HECW2: variants seen among roughly 807,000 people sequenced by gnomAD.
HECW2 encodes the protein E3 ubiquitin-protein ligase HECW2.
Under a neutral mutation model 175.2 loss-of-function variants are expected in HECW2, and 61 were observed. The ratio of observed to expected loss-of-function variants is 0.35; its 90% CI spans 0.28 to 0.43. The LOEUF (loss-of-function observed/expected upper bound fraction) is 0.43. HECW2 is among the 20% of genes least tolerant of loss of function. The pLI, the probability that HECW2 is intolerant of heterozygous loss-of-function variation, is 1.00. For synonymous variants in HECW2, 671 were observed against 731.0 expected (o/e 0.92, Z 1.32); for missense variants, 1,524 against 2,000.5 (o/e 0.76, Z 4.54).
intron 15 of HECW2, among the ~76,000 whole-genome samples, chr2:196,275,958 T>C (rs1313895958): frequency 6.6e-6 from 1 of 152,242 alleles, no homozygotes; most frequent in Non-Finnish European, 1.5e-5. Context: ...CTTCTCATCC[T>C]GCTTCTCTTG....
At chr2:196,256,248 T>C (rs1689051544) in intron 18 of HECW2, among the ~76,000 whole-genome samples, 1 of 152,216 alleles carries the variant, frequency 6.6e-6, no homozygotes, top group South Asian at 2.1e-4. Context: ...TGACATCATT[T>C]GTATACAATA....
At chr2:196,410,327 A>G (rs1235087998) in intron 2 of HECW2, among the ~76,000 whole-genome samples, 1 of 152,248 alleles carries the variant, frequency 6.6e-6, no homozygotes, top group Non-Finnish European at 1.5e-5. Context: ...GACAAGAACA[A>G]TATCTAGCAG....
chr2:196,473,249 G>A (rs2125355816), intron 1 of HECW2, among the ~76,000 whole-genome samples: 1 of 152,278 alleles, frequency 6.6e-6, no homozygotes, highest in Non-Finnish European at 1.5e-5. Context: ...CTTCCAAAGT[G>A]GAGTGCATTG....
chr2:196,337,456 G>A (rs1692589884), intron 3 of HECW2, among the ~76,000 whole-genome samples: 1 of 151,936 alleles, frequency 6.6e-6, no homozygotes, highest in African/African-American at 2.4e-5. Flanking sequence ...GAGAGATGGA[G>A]GACATGGACC....
chr2:196,306,576 G>T lies in HECW2; in HGVS notation c.2726C>A (p.Ser909Tyr), dbSNP rs1379397558. 2 of 1,613,340 alleles carry T rather than the reference G, an allele frequency of 1.2e-6. No individual in the cohort carries two copies. The highest frequency in any genetic ancestry group is 1.7e-6 in the Non-Finnish European group (2 of 1,179,652). Residue 909 changes from serine to tyrosine, a missense_variant, in exon 13 of 29, where the codon TCC becomes TAC. Transcript: ENST00000644978. Reference sequence around the variant, plus strand: ...TAACAGCAACGTGATCCTGGATCTGGAGGTAGAGTGAGGCAGGATGTTCTC... The same window carrying T: ...TAACAGCAACGTGATCCTGGATCTGTAGGTAGAGTGAGGCAGGATGTTCTC... ...RRENILPHST[S>Y]RSRITLLLQS...
intron 1 of HECW2, among the ~76,000 whole-genome samples, chr2:196,447,176 A>G (rs904010881): frequency 3.9e-5 from 6 of 152,232 alleles, no homozygotes; most frequent in African/African-American, 1.4e-4. Flanking sequence ...ATCTTTTCCA[A>G]AAGGACTACC....
intron 2 of HECW2, among the ~76,000 whole-genome samples, chr2:196,356,078 G>A (rs1693354776): frequency 6.6e-6 from 1 of 152,206 alleles, no homozygotes; most frequent in South Asian, 2.1e-4. Flanking sequence ...GAGGCAGAGA[G>A]TGGGAGAAGA....
intron 2 of HECW2, among the ~76,000 whole-genome samples, chr2:196,376,834 T>G (rs1694065100): frequency 6.6e-6 from 1 of 151,540 alleles, no homozygotes; most frequent in Non-Finnish European, 1.5e-5. Context: ...CTCAAGAGGC[T>G]GAGATAGGAG....
At chr2:196,495,267 C>T (rs903304751) in intron 1 of HECW2, among the ~76,000 whole-genome samples, 1 of 152,018 alleles carries the variant, frequency 6.6e-6, no homozygotes, top group African/African-American at 2.4e-5. Context: ...GGGGTTTCAC[C>T]ATGTTCGCCA....
chr2:196,408,692 C>T (rs1247261150), intron 2 of HECW2, among the ~76,000 whole-genome samples: 19 of 152,192 alleles, frequency 1.2e-4, no homozygotes, highest in Admixed American at 1.2e-3. Context: ...TCCCACAACA[C>T]AAAAGTTTCA....
chr2:196,454,803 C>A (rs983661751), intron 1 of HECW2, among the ~76,000 whole-genome samples: 3 of 152,138 alleles, frequency 2.0e-5, no homozygotes, highest in African/African-American at 7.2e-5. Context: ...GAAGGCTACT[C>A]AACATTTCTG....
chr2:196,320,089 T>C (rs1372347273), intron 8 of HECW2, among the ~76,000 whole-genome samples, 185 bp from the exon 9 acceptor site: 1 of 152,216 alleles, frequency 6.6e-6, no homozygotes, highest in Non-Finnish European at 1.5e-5. Flanking sequence ...GCACAGGAGC[T>C]ATGTATGTTA....
intron 2 of HECW2, among the ~76,000 whole-genome samples, chr2:196,345,893 A>G (rs1475507711): frequency 1.3e-5 from 2 of 152,180 alleles, no homozygotes; most frequent in East Asian, 3.8e-4. Context: ...TATTTTCACA[A>G]ATAAATTTAC....
chr2:196,583,337 A>G (rs947026230), intron 1 of HECW2, among the ~76,000 whole-genome samples: 2 of 152,214 alleles, frequency 1.3e-5, no homozygotes, highest in Non-Finnish European at 2.9e-5. Context: ...TGAAATCTTC[A>G]TTTCCACACT....
At chr2:196,439,170 A>G (rs1162274714) in intron 1 of HECW2, among the ~76,000 whole-genome samples, 1 of 152,212 alleles carries the variant, frequency 6.6e-6, no homozygotes, top group Admixed American at 6.5e-5. Flanking sequence ...CTGTGGATGA[A>G]AGTGTTCAAT....
intron 3 of HECW2, among the ~76,000 whole-genome samples, chr2:196,336,637 AGATAAAAAAAATGT>A (rs1233057068): frequency 2.6e-5 from 4 of 152,186 alleles, no homozygotes; most frequent in Non-Finnish European, 5.9e-5. Flanking sequence ...ACAGACAATG[AGATAAAAAAAATGT>A]GACTGCTTAT....
chr2:196,496,183 T>C (rs1022684997), intron 1 of HECW2, among the ~76,000 whole-genome samples: 1 of 151,996 alleles, frequency 6.6e-6, no homozygotes, highest in Non-Finnish European at 1.5e-5. Flanking sequence ...ACAGCTTACA[T>C]ATATTTTTTA....
chr2:196,397,257 T>C (rs745561933), intron 2 of HECW2, among the ~76,000 whole-genome samples: 1 of 152,274 alleles, frequency 6.6e-6, no homozygotes, highest in Non-Finnish European at 1.5e-5. Context: ...CCCTGCTTTC[T>C]GTCCCAACTA....
intron 4 of HECW2, chr2:196,331,344 G>A (rs1398906339): frequency 1.1e-6 from 1 of 928,240 alleles, no homozygotes; most frequent in East Asian, 1.2e-4. Flanking sequence ...ACTAACTGCT[G>A]TGGCTATCTC....
Sources: allele counts gnomAD v4.1 joint callset (sites outside exome capture counted in the v4.1 genomes callset), GRCh38; gene constraint gnomAD v4.1.1; transcripts MANE v1.5; gene names NCBI Gene and HGNC (gene_info 2026-07-23, HGNC 2026-07-21).